TAFA2: variants seen among roughly 807,000 people sequenced by gnomAD.
TAFA2 encodes the protein chemokine-like protein TAFA-2.
TAFA2 carries 7 observed loss-of-function variants against 18.8 expected under a neutral mutation model. That is an observed-to-expected ratio of 0.37 (90% CI 0.21 to 0.70). TAFA2 has a LOEUF of 0.70. TAFA2 is among the 30% of genes least tolerant of loss of function. The pLI, the probability that TAFA2 is intolerant of heterozygous loss-of-function variation, is 0.53. For synonymous variants in TAFA2, 60 were observed against 54.2 expected (o/e 1.11, Z -0.47); for missense variants, 122 against 158.1 (o/e 0.77, Z 1.23).
At chr12:62,196,797 C>G (rs993504811), upstream of TAFA2, among the ~76,000 whole-genome samples, 3 of 152,084 alleles carry the variant, frequency 2.0e-5, no homozygotes, top group Non-Finnish European at 4.4e-5. Flanking sequence ...TGAGCACATG[C>G]TGCTGAAAAA....
chr12:62,235,410 A>G, intron 1 of TAFA2: 1 of 652,864 alleles, frequency 1.5e-6, no homozygotes, highest in Admixed American at 2.4e-5. Flanking sequence ...GTCATGTTCA[A>G]GATGGGTGCT....
At chr12:61,878,158 T>A (rs1592454855) in intron 1 of TAFA2, 1 of 449,122 alleles carries the variant, frequency 2.2e-6, no homozygotes, top group East Asian at 7.0e-5. Context: ...GAGGGAGAAA[T>A]AGAGAGTTAC....
intron 4 of TAFA2, among the ~76,000 whole-genome samples, chr12:61,748,816 T>G (rs1032225732): frequency 6.6e-6 from 1 of 152,214 alleles, no homozygotes; most frequent in African/African-American, 2.4e-5. Context: ...TCTTGTCACA[T>G]GGAACCCAAG....
chr12:62,095,549 A>C (rs1868913052), intron 1 of TAFA2, among the ~76,000 whole-genome samples: 1 of 152,132 alleles, frequency 6.6e-6, no homozygotes, highest in Non-Finnish European at 1.5e-5. Flanking sequence ...CAGCTCAAAC[A>C]AATTTCATTT....
intron 1 of TAFA2, among the ~76,000 whole-genome samples, chr12:62,208,567 T>C (rs373003571): frequency 6.6e-6 from 1 of 152,078 alleles, no homozygotes; most frequent in Admixed American, 6.6e-5. Flanking sequence ...TATAAAATCA[T>C]TGTGAATACC....
chr12:61,934,619 G>A (rs1473584217), intron 1 of TAFA2, among the ~76,000 whole-genome samples: 2 of 152,158 alleles, frequency 1.3e-5, no homozygotes, highest in African/African-American at 4.8e-5. Flanking sequence ...CTGCTTAAAC[G>A]CAGAAGATAA....
chr12:61,753,000 T>C (rs1047020058), intron 4 of TAFA2, among the ~76,000 whole-genome samples: 3 of 151,992 alleles, frequency 2.0e-5, no homozygotes, highest in African/African-American at 7.2e-5. Context: ...AGAACAAAGC[T>C]ATTTTTCAGT....
chr12:62,226,270 T>C (rs2062786106), intron 1 of TAFA2, among the ~76,000 whole-genome samples: 1 of 151,472 alleles, frequency 6.6e-6, no homozygotes, highest in Non-Finnish European at 1.5e-5. Context: ...CTCCGCTCAC[T>C]GCAAGCTCCA....
chr12:62,217,053 G>A (rs764126409), intron 1 of TAFA2, among the ~76,000 whole-genome samples: 5 of 152,206 alleles, frequency 3.3e-5, no homozygotes, highest in South Asian at 2.1e-4. Flanking sequence ...ATGTCTCTCC[G>A]CAAAAAGGGA....
intron 1 of TAFA2, among the ~76,000 whole-genome samples, chr12:62,011,766 A>AAAG (rs1555183621): frequency 4.0e-5 from 6 of 148,526 alleles, no homozygotes; most frequent in Admixed American, 6.6e-5. Context: ...AAAAAAAAAA[A>AAAG]AAAGAAAAGA....
rs2136716656 is a variant in TAFA2 at position 62,013,137 on chromosome 12, G to T, written c.-1-145711C>A. ...TTTATGGACAAAAAATAGTAAATCAGTTCAGCAGGATAGGCTGCTTAAGAA... is the reference window on the plus strand; with the variant it reads ...TTTATGGACAAAAAATAGTAAATCATTTCAGCAGGATAGGCTGCTTAAGAA... On this transcript the variant is annotated intron_variant, in intron 1 of 4. Transcript: ENST00000416284. Among the ~76,000 whole-genome samples, 2 of 152,246 alleles carry T rather than the reference G, an allele frequency of 1.3e-5. 1 individual carries two copies. Among genetic ancestry groups the T allele is most frequent in the Middle Eastern group, 6.8e-3 (2 of 294 alleles).
chr12:62,194,727 CA>C (rs1387791330), upstream of TAFA2, among the ~76,000 whole-genome samples: 1 of 152,148 alleles, frequency 6.6e-6, no homozygotes, highest in Non-Finnish European at 1.5e-5. Flanking sequence ...CCTAATTTAA[CA>C]GAAATTTTTT....
chr12:62,212,700 T>C (rs1417545778), intron 1 of TAFA2, among the ~76,000 whole-genome samples: 2 of 152,198 alleles, frequency 1.3e-5, no homozygotes, highest in African/African-American at 4.8e-5. Flanking sequence ...AAGGTACTAA[T>C]AAAAGCGAAA....
chr12:61,984,200 C>G (rs2136680423), intron 1 of TAFA2, among the ~76,000 whole-genome samples: 1 of 152,346 alleles, frequency 6.6e-6, no homozygotes, highest in African/African-American at 2.4e-5. Context: ...GTATGTAGAA[C>G]AGTGCCTAGC....
chr12:62,131,283 A>T (rs1473437869), intron 1 of TAFA2, among the ~76,000 whole-genome samples: 1 of 152,054 alleles, frequency 6.6e-6, no homozygotes, highest in Admixed American at 6.6e-5. Context: ...TGGCATCCAC[A>T]CACAGAGAAA....
At chr12:61,940,238 C>T (rs1054275380) in intron 1 of TAFA2, among the ~76,000 whole-genome samples, 1 of 152,210 alleles carries the variant, frequency 6.6e-6, no homozygotes, top group Non-Finnish European at 1.5e-5. Context: ...CAAGCCCAGA[C>T]ACCCAGTGCT....
rs903963403 is a variant in TAFA2, at chr12:61,708,491, G to C, written c.*1915C>G. The C allele has an allele frequency of 2.0e-5, 3 of 151,958 alleles. No individual in the cohort carries two copies. The highest frequency in any genetic ancestry group is 7.2e-5 in the African/African-American group (3 of 41,384). 9.4% of individuals were successfully genotyped at this position (151,958 alleles called of 1,614,324 possible). On this transcript the variant is annotated 3_prime_UTR_variant, in exon 5 of 5. Coordinates refer to ENST00000416284, the MANE Select transcript of TAFA2 (RefSeq NM_178539.5). ...AATTTCAAATCTCAAACAAACCTAG[G>C]ACAAATTCATAATTTCCAAAAAGTA...
intron 1 of TAFA2, among the ~76,000 whole-genome samples, chr12:61,895,751 C>T (rs1342984959): frequency 2.0e-5 from 3 of 152,028 alleles, no homozygotes; most frequent in Non-Finnish European, 2.9e-5. Context: ...GAGTCCATGC[C>T]ACACAGCTAA....
intron 1 of TAFA2, among the ~76,000 whole-genome samples, chr12:62,042,434 T>C (rs68160180): frequency 0.27 from 18,533 of 69,296 alleles, 1,368 homozygotes; most frequent in African/African-American, 0.41. Context: ...TGTGTGCGCG[T>C]GTGTGTGTGT....
Sources: gnomAD v4.1 joint callset for allele counts (sites outside exome capture counted in the v4.1 genomes callset) on GRCh38, gnomAD v4.1.1 for gene constraint, MANE v1.5 for transcripts, NCBI Gene and HGNC (gene_info 2026-07-23, HGNC 2026-07-21) for gene names.